Variants in MARCHF1 observed in about 807,000 individuals in gnomAD.
MARCHF1 encodes E3 ubiquitin-protein ligase MARCHF1.
In MARCHF1, 40 loss-of-function variants were observed where a neutral mutation model predicts 54.2. The observed-to-expected ratio is 0.74, with a 90% CI of 0.57 to 0.96. The LOEUF (loss-of-function observed/expected upper bound fraction) is 0.96, where lower values mean the gene tolerates loss of function less well. Among genes scored for constraint, MARCHF1 ranks in the 40% least tolerant of loss-of-function variants. The pLI, the probability that MARCHF1 is intolerant of heterozygous loss-of-function variation, is 0.00. For synonymous variants in MARCHF1, 236 were observed against 236.3 expected, an observed-to-expected ratio of 1.00 and a Z score of 0.01; for missense variants, 586 against 656.5, an observed-to-expected ratio of 0.89 and a Z score of 1.17.
intron 7 of MARCHF1, among the ~76,000 whole-genome samples, chr4:163,602,271 A>T (rs1428545578): frequency 6.6e-6 from 1 of 152,146 alleles, no homozygotes; most frequent in African/African-American, 2.4e-5. Flanking sequence ...GCACAGTACC[A>T]TAGGGTATAT....
At chr4:164,029,840 C>A (rs1753841416) in intron 2 of MARCHF1, among the ~76,000 whole-genome samples, 1 of 152,178 alleles carries the variant, frequency 6.6e-6, no homozygotes, top group Admixed American at 6.5e-5. Flanking sequence ...GGTGATCCAC[C>A]CACCTTGGTC....
chr4:163,863,772 G>C (rs1194174781), intron 3 of MARCHF1, among the ~76,000 whole-genome samples: 2 of 151,914 alleles, frequency 1.3e-5, no homozygotes, highest in Non-Finnish European at 2.9e-5. Context: ...TGATTCTGGG[G>C]CTAGGGTAGG....
chr4:163,820,016 A>T (rs1161403237), intron 4 of MARCHF1, among the ~76,000 whole-genome samples: 2 of 152,076 alleles, frequency 1.3e-5, no homozygotes, highest in East Asian at 1.9e-4. Flanking sequence ...ATAATTTTTA[A>T]AAAATACCGA....
chr4:163,574,801 C>A (rs1318381595), intron 8 of MARCHF1, among the ~76,000 whole-genome samples: 5 of 151,780 alleles, frequency 3.3e-5, no homozygotes, highest in Admixed American at 2.0e-4. Context: ...GATGCGGGCT[C>A]TTTTTTGGTT....
At chr4:163,823,948 T>C (rs866120635) in intron 4 of MARCHF1, among the ~76,000 whole-genome samples, 5 of 151,998 alleles carry the variant, frequency 3.3e-5, no homozygotes, top group South Asian at 4.1e-4. Flanking sequence ...ATATTACCTT[T>C]TTATAAAAAT....
At chr4:163,799,672 T>C (rs1331269680) in intron 4 of MARCHF1, among the ~76,000 whole-genome samples, 2 of 152,118 alleles carry the variant, frequency 1.3e-5, no homozygotes, top group Non-Finnish European at 2.9e-5. Flanking sequence ...ACAGTAACCA[T>C]TATTTTTTTC....
Position 164,106,066 on chromosome 4 carries a change from A to T in MARCHF1, c.-248+5522T>A, listed in dbSNP as rs978917606. Among the ~76,000 whole-genome samples, 1,233 of 151,590 alleles carry T rather than the reference A, an allele frequency of 8.1e-3. 15 individuals are homozygous for T. The highest frequency in any genetic ancestry group is 0.028 in the African/African-American group (1,169 of 41,134). Reference sequence around the variant, plus strand: ...ATATGCAAATCAAAACCACAATGAGATACCATCTCACACCAGTTAGAATGG... The same window carrying T: ...ATATGCAAATCAAAACCACAATGAGTTACCATCTCACACCAGTTAGAATGG... On this transcript the variant is annotated intron_variant, in intron 2 of 9. Coordinates refer to ENST00000514618, the MANE Select transcript of MARCHF1 (RefSeq NM_001394959.1).
intron 4 of MARCHF1, among the ~76,000 whole-genome samples, chr4:163,799,061 T>C (rs1012637718): frequency 6.6e-6 from 1 of 151,874 alleles, no homozygotes; most frequent in Admixed American, 6.6e-5. Context: ...AAAATGGTAA[T>C]AATGACTGCC....
intron 1 of MARCHF1, among the ~76,000 whole-genome samples, chr4:164,162,868 T>G: frequency 6.6e-6 from 1 of 151,990 alleles, no homozygotes; most frequent in East Asian, 1.9e-4. Context: ...ACAAATATGA[T>G]TAAAGGGAAG....
At chr4:163,978,906 T>C (rs1339756728) in intron 3 of MARCHF1, among the ~76,000 whole-genome samples, 1 of 151,964 alleles carries the variant, frequency 6.6e-6, no homozygotes, top group African/African-American at 2.4e-5. Flanking sequence ...TTTGAATATT[T>C]TATATAGACA....
chr4:164,206,210 G>A (rs1731601521), intron 1 of MARCHF1, among the ~76,000 whole-genome samples: 1 of 152,194 alleles, frequency 6.6e-6, no homozygotes, highest in African/African-American at 2.4e-5. Flanking sequence ...GCTCAGGCAG[G>A]CAGATCACCT....
At chr4:164,148,187 G>T (rs965520062) in intron 1 of MARCHF1, among the ~76,000 whole-genome samples, 1 of 150,270 alleles carries the variant, frequency 6.7e-6, no homozygotes, top group Non-Finnish European at 1.5e-5. Context: ...ATTCAACCAA[G>T]AAACTATGTA....
Position 163,649,181 on chromosome 4 carries a change from A to G in MARCHF1, c.163-35788T>C, listed in dbSNP as rs568632624. The stretch of plus-strand genomic sequence containing the variant: ...TTTTTCTTTGAGCACAATATGCTCC[A>G]TTAGACTGGATATTCCATTAAAATG... On this transcript the variant is annotated intron_variant, in intron 5 of 9. Coordinates refer to ENST00000514618, the MANE Select transcript of MARCHF1 (RefSeq NM_001394959.1). Among the ~76,000 whole-genome samples the G allele has an allele frequency of 7.2e-4, 110 of 152,172 alleles. 1 individual carries two copies. Among genetic ancestry groups the G allele is most frequent in the African/African-American group, 2.5e-3 (102 of 41,554 alleles).
At chr4:163,974,242 T>C (rs1752605977) in intron 3 of MARCHF1, among the ~76,000 whole-genome samples, 1 of 152,232 alleles carries the variant, frequency 6.6e-6, no homozygotes, top group Non-Finnish European at 1.5e-5. Flanking sequence ...TAAGACTGCA[T>C]GACTTCCAAG....
chr4:163,700,770 A>C, intron 5 of MARCHF1, 43 bp downstream of exon 5: 1 of 1,395,984 alleles, frequency 7.2e-7, no homozygotes, highest in Non-Finnish European at 9.8e-7. Context: ...TGAACTCATG[A>C]AGTGCAGAAG....
intron 1 of MARCHF1, among the ~76,000 whole-genome samples, chr4:164,213,508 T>C (rs905747869): frequency 6.6e-6 from 1 of 151,830 alleles, no homozygotes. Flanking sequence ...GTGCTGGGAT[T>C]ACAGGCGTGA....
intron 4 of MARCHF1, among the ~76,000 whole-genome samples, chr4:163,810,492 A>C (rs1748354076): frequency 6.6e-6 from 1 of 152,310 alleles, no homozygotes; most frequent in East Asian, 1.9e-4. Flanking sequence ...GGGTGAATCT[A>C]TCTCTTCCTC....
chr4:163,632,538 C>T (rs1415010288), intron 5 of MARCHF1, among the ~76,000 whole-genome samples: 11 of 152,204 alleles, frequency 7.2e-5, no homozygotes, highest in South Asian at 2.1e-4. Context: ...GCTTTTCCGA[C>T]GGGCTTAAAA....
At chr4:164,187,492 C>G (rs569725266) in intron 1 of MARCHF1, among the ~76,000 whole-genome samples, 1 of 152,226 alleles carries the variant, frequency 6.6e-6, no homozygotes, top group Admixed American at 6.5e-5. Context: ...CCACATCGCC[C>G]CCATAGGACC....
Sources: allele counts gnomAD v4.1 joint callset (sites outside exome capture counted in the v4.1 genomes callset), GRCh38; gene constraint gnomAD v4.1.1; transcripts MANE v1.5; gene names NCBI Gene and HGNC (gene_info 2026-07-23, HGNC 2026-07-21).